The following MTUS1 variants were observed in gnomAD, a reference collection of about 807,000 sequenced individuals.
MTUS1 encodes microtubule associated scaffold protein 1, also known as microtubule-associated tumor suppressor 1.
Under a neutral mutation model 120.8 loss-of-function variants are expected in MTUS1, and 109 were observed. The observed-to-expected ratio is 0.90, with a 90% CI of 0.77 to 1.06. MTUS1 has a LOEUF of 1.06. Among genes scored for constraint, MTUS1 ranks in the 50% least tolerant of loss-of-function variants. The pLI is 0.00. For missense variants in MTUS1, 2,210 were observed against 1,486.3 expected, an observed-to-expected ratio of 1.49 and a Z score of -8.01; for synonymous variants, 737 against 550.5, an observed-to-expected ratio of 1.34 and a Z score of -4.74.
At chr8:17,780,051 G>C (rs570958933) in intron 1 of MTUS1, among the ~76,000 whole-genome samples, 5 of 152,268 alleles carry the variant, frequency 3.3e-5, no homozygotes, top group Non-Finnish European at 7.4e-5. Flanking sequence ...AGATGACTGG[G>C]TTATGGGGGT....
chr8:17,647,094 G>C lies in MTUS1; in HGVS notation c.3502-15C>G. The stretch of plus-strand genomic sequence containing the variant: ...TTGTTGTCCACCTTGGCATAAACAA[G>C]AATTCCAACATTTATACAATATTAA... On this transcript the variant is annotated splice_polypyrimidine_tract_variant and intron_variant, in intron 13 of 14. Coordinates refer to ENST00000693296, the MANE Select transcript of MTUS1 (RefSeq NM_001363059.2). The C allele has an allele frequency of 1.9e-6, 3 of 1,596,778 alleles. No homozygotes were observed. Among genetic ancestry groups the C allele is most frequent in the Middle Eastern group, 1.7e-4 (1 of 6,010 alleles).
intron 8 of MTUS1, among the ~76,000 whole-genome samples, chr8:17,669,421 C>T (rs190823133): frequency 1.2e-4 from 18 of 152,232 alleles, no homozygotes; most frequent in African/African-American, 4.1e-4. Context: ...GAGGTCTGAA[C>T]AAAGGGGAAA....
At chr8:17,666,864 G>A (rs979793471) in intron 8 of MTUS1, among the ~76,000 whole-genome samples, 1 of 152,058 alleles carries the variant, frequency 6.6e-6, no homozygotes, top group Non-Finnish European at 1.5e-5. Context: ...TATAGGAGAC[G>A]TTGGGGTTTA....
chr8:17,679,502 TATTTATTTA>T (rs1563188356), intron 7 of MTUS1, among the ~76,000 whole-genome samples: 9 of 99,556 alleles, frequency 9.0e-5, no homozygotes, highest in African/African-American at 2.6e-4. Flanking sequence ...TTTATTTATT[TATTTATTTA>T]TTTATTTTTT....
intron 7 of MTUS1, 100 bp from the exon 8 acceptor site, chr8:17,675,352 A>T (rs768458456): frequency 3.0e-5 from 29 of 953,618 alleles, no homozygotes; most frequent in Non-Finnish European, 4.2e-5. Context: ...CAGTATTGGG[A>T]AGCCAAGATA....
At position 17,705,229 on chromosome 8, in the gene MTUS1, C is replaced by A. The variant is rs184892645; in HGVS notation, c.2623+7985G>T. The stretch of plus-strand genomic sequence containing the variant: ...GAACTCCTGGCCTCAAGCAATCCAC[C>A]TGTCTTGGCCCCCCAAAGTGTTGGG... On this transcript the variant is annotated intron_variant, in intron 6 of 14. Coordinates refer to ENST00000693296, the MANE Select transcript of MTUS1 (RefSeq NM_001363059.2). Among the ~76,000 whole-genome samples the A allele has an allele frequency of 3.4e-4, 52 of 152,288 alleles. 1 individual carries two copies. In the East Asian group the frequency reaches 7.9e-3, roughly 23 times the overall value.
chr8:17,657,554 A>C (rs369218050), intron 8 of MTUS1, among the ~76,000 whole-genome samples: 288 of 150,114 alleles, frequency 1.9e-3, no homozygotes, highest in Admixed American at 3.1e-3. Flanking sequence ...GGCGACAGAG[A>C]GAGACTCCGT....
intron 12 of MTUS1, among the ~76,000 whole-genome samples, chr8:17,651,447 G>T (rs75709788): frequency 6.6e-6 from 1 of 151,686 alleles, no homozygotes; most frequent in Admixed American, 6.6e-5. Flanking sequence ...CACATCACAC[G>T]TACCCCATAA....
intron 7 of MTUS1, chr8:17,681,732 A>T (rs1465257830): frequency 2.6e-5 from 4 of 154,814 alleles, no homozygotes; most frequent in Non-Finnish European, 4.4e-5. Flanking sequence ...TAACATTAAA[A>T]GGGGCAGTTG....
chr8:17,645,794 G>GT lies in MTUS1; in HGVS notation c.*131dup. ...CTCAGAAGCTGCGATTCCGCCGGTG[G>GT]TGACGCTCCAGTTACCCTACGGTGA... On this transcript the variant is annotated 3_prime_UTR_variant, in exon 15 of 15. Transcript: ENST00000693296. 8.2e-7 allele frequency: 1 copy of GT among 1,214,168 alleles called. No individual in the cohort carries two copies. Among genetic ancestry groups the GT allele is most frequent in the Non-Finnish European group, 1.1e-6 (1 of 920,334 alleles). The allele number at this position is 1,214,168 out of a possible 1,614,324, so 75.2% of individuals were successfully genotyped here.
At chr8:17,770,034 T>C (rs1427585319) in intron 1 of MTUS1, among the ~76,000 whole-genome samples, 2 of 152,034 alleles carry the variant, frequency 1.3e-5, no homozygotes, top group Admixed American at 6.6e-5. Context: ...TAATACATAA[T>C]AATTTCCTGC....
rs142215990 is a variant in MTUS1 at position 17,680,199 on chromosome 8, C to T, written c.2838+4129G>A. 4.5e-3 allele frequency among the ~76,000 whole-genome samples: 682 copies of T among 152,120 alleles called. 4 individuals are homozygous for T. Among genetic ancestry groups the T allele is most frequent in the African/African-American group, 0.016 (653 of 41,496 alleles). On this transcript the variant is annotated intron_variant, in intron 7 of 14. Coordinates refer to ENST00000693296, the MANE Select transcript of MTUS1 (RefSeq NM_001363059.2). ...GGGTTCTGGACTGGGAGTGGTGGAT[C>T]ATGCCTGTAATCCCAGCACTTTGGA...
At chr8:17,699,725 T>A (rs66834522) in intron 6 of MTUS1, among the ~76,000 whole-genome samples, 1 of 152,082 alleles carries the variant, frequency 6.6e-6, no homozygotes, top group Non-Finnish European at 1.5e-5. Flanking sequence ...TTCCCAAACA[T>A]AGTCTGCCTC....
At position 17,794,969 on chromosome 8, in the gene MTUS1, C is replaced by T. The variant is rs1284216173; in HGVS notation, c.-155+6092G>A. Among the ~76,000 whole-genome samples, 12 of 152,162 alleles carry T rather than the reference C, an allele frequency of 7.9e-5. 1 individual carries two copies. Among genetic ancestry groups the T allele is most frequent in the Admixed American group, 7.9e-4 (12 of 15,270 alleles). On this transcript the variant is annotated intron_variant, in intron 1 of 14. Coordinates refer to ENST00000693296, the MANE Select transcript of MTUS1 (RefSeq NM_001363059.2). ...TCATAGCTAACAATCATGCAAAAATCTACAAAATAAACATTAAGGAAAATA... is the reference window on the plus strand; with the variant it reads ...TCATAGCTAACAATCATGCAAAAATTTACAAAATAAACATTAAGGAAAATA...
chr8:17,653,680 G>C lies in MTUS1; in HGVS notation c.3215-182C>G, dbSNP rs542368785. 24 of 533,238 alleles carry C rather than the reference G, an allele frequency of 4.5e-5. 1 individual carries two copies. The South Asian group carries it at 6.2e-4, about 14-fold the overall frequency. The allele number at this position is 533,238 out of a possible 1,614,324, so 33.0% of individuals were successfully genotyped here. A position where few individuals can be genotyped will look rare whatever the true frequency, so the allele number is the denominator to read the frequency against. Reference sequence around the variant, plus strand: ...TCAAAATGGCCTTGAGAGGTGGTTAGGGTAGACATTCCCATTTTATGACTG... The same window carrying C: ...TCAAAATGGCCTTGAGAGGTGGTTACGGTAGACATTCCCATTTTATGACTG... On this transcript the variant is annotated intron_variant, in intron 10 of 14. Transcript: ENST00000693296.
intron 4 of MTUS1, among the ~76,000 whole-genome samples, chr8:17,720,322 G>A (rs2045733000): frequency 1.3e-5 from 2 of 151,536 alleles, no homozygotes; most frequent in South Asian, 2.1e-4. Context: ...TCCAGCCTGG[G>A]CGACAAGAGC....
At chr8:17,676,422 T>G (rs1813132752) in intron 7 of MTUS1, 1 of 689,288 alleles carries the variant, frequency 1.5e-6, no homozygotes. Flanking sequence ...TCTGTCTACA[T>G]TCAAAGCTCT....
At chr8:17,690,043 AG>A (rs1480032125) in intron 6 of MTUS1, among the ~76,000 whole-genome samples, 2 of 152,234 alleles carry the variant, frequency 1.3e-5, no homozygotes, top group Non-Finnish European at 2.9e-5. Context: ...TAAACTAAAA[AG>A]GTTCTGCACA....
At chr8:17,781,313 A>G (rs906501417) in intron 1 of MTUS1, among the ~76,000 whole-genome samples, 4 of 152,250 alleles carry the variant, frequency 2.6e-5, no homozygotes, top group Non-Finnish European at 5.9e-5. Context: ...TACAATTTGT[A>G]CCACATTGTA....
Sources: allele counts gnomAD v4.1 joint callset (sites outside exome capture counted in the v4.1 genomes callset), GRCh38; gene constraint gnomAD v4.1.1; transcripts MANE v1.5; gene names NCBI Gene and HGNC (gene_info 2026-07-23, HGNC 2026-07-21).